The following STXBP4 variants were observed in gnomAD, a reference collection of about 807,000 sequenced individuals.
The protein encoded by STXBP4 is syntaxin-binding protein 4.
Under a neutral mutation model 76.1 loss-of-function variants are expected in STXBP4, and 55 were observed. The observed-to-expected ratio is 0.72, with a 90% confidence interval of 0.58 to 0.91. The LOEUF is 0.91. Ranked by LOEUF, STXBP4 falls within the 40% of genes least tolerant of loss-of-function variation. The pLI is 0.00. For synonymous variants in STXBP4, 201 were observed against 220.2 expected (o/e 0.91, Z 0.77); for missense variants, 618 against 636.9 (o/e 0.97, Z 0.32).
At chr17:55,007,081 T>C (rs2078022632) in intron 7 of STXBP4, among the ~76,000 whole-genome samples, 2 of 152,152 alleles carry the variant, frequency 1.3e-5, no homozygotes, top group African/African-American at 4.8e-5. Context: ...CTCACTCCTG[T>C]AATCCTGGCA....
intron 16 of STXBP4, among the ~76,000 whole-genome samples, chr17:55,110,504 G>A (rs1287398194): frequency 6.6e-6 from 1 of 152,150 alleles, no homozygotes; most frequent in East Asian, 1.9e-4. Context: ...CAGATGGAAG[G>A]GATAATGTAA....
At chr17:55,056,356 A>G (rs2078923069) in intron 12 of STXBP4, among the ~76,000 whole-genome samples, 1 of 152,132 alleles carries the variant, frequency 6.6e-6, no homozygotes, top group South Asian at 2.1e-4. Context: ...TTTTCATTGG[A>G]AATACTGGAT....
intron 17 of STXBP4, 114 bp downstream of exon 17, chr17:55,141,481 G>A: frequency 1.2e-6 from 1 of 802,152 alleles, no homozygotes. Context: ...ACAAAAATTA[G>A]TAACAAGAAA....
intron 16 of STXBP4, among the ~76,000 whole-genome samples, chr17:55,126,049 G>A (rs2145106127): frequency 6.6e-6 from 1 of 152,278 alleles, no homozygotes; most frequent in South Asian, 2.1e-4. Flanking sequence ...TTTAGCTGCT[G>A]CCTAAGAAAT....
At chr17:55,115,150 T>G (rs1327595186) in intron 16 of STXBP4, among the ~76,000 whole-genome samples, 2 of 151,866 alleles carry the variant, frequency 1.3e-5, no homozygotes, top group East Asian at 3.8e-4. Context: ...GCTATTGTTT[T>G]ATTGCTTGAG....
At chr17:54,981,865 C>T (rs2077555307) in intron 1 of STXBP4, among the ~76,000 whole-genome samples, 1 of 151,808 alleles carries the variant, frequency 6.6e-6, no homozygotes, top group East Asian at 1.9e-4. Context: ...GAAGAATTGG[C>T]AAAAGATGTA....
At chr17:55,078,558 C>T in intron 14 of STXBP4, 128 bp from the exon 15 acceptor site, 2 of 606,982 alleles carry the variant, frequency 3.3e-6, no homozygotes, top group African/African-American at 1.9e-5. Flanking sequence ...TTGTTTGCAC[C>T]CCCGCTACAT....
chr17:55,192,538 A>G, the STXBP4 span, among the ~76,000 whole-genome samples: 1 of 152,198 alleles, frequency 6.6e-6, no homozygotes, highest in African/African-American at 2.4e-5. Flanking sequence ...GAGGAAAGAG[A>G]CCAGGACTCC....
At chr17:55,097,442 T>G (rs2079502558) in intron 16 of STXBP4, among the ~76,000 whole-genome samples, 2 of 152,272 alleles carry the variant, frequency 1.3e-5, no homozygotes, top group Admixed American at 1.3e-4. Context: ...GGCGGGCGGA[T>G]CACGAGGTCA....
intron 13 of STXBP4, among the ~76,000 whole-genome samples, chr17:55,075,196 T>G (rs932775282): frequency 6.6e-6 from 1 of 152,120 alleles, no homozygotes; most frequent in Non-Finnish European, 1.5e-5. Flanking sequence ...CTTAACCATT[T>G]TCTTGAAAAC....
At chr17:55,012,364 C>T (rs1348687010) in intron 8 of STXBP4, among the ~76,000 whole-genome samples, 2 of 152,164 alleles carry the variant, frequency 1.3e-5, no homozygotes, top group African/African-American at 4.8e-5. Flanking sequence ...AGGGTTCCTT[C>T]TATAAGCATT....
chr17:54,981,095 T>G (rs2077545294), intron 1 of STXBP4, among the ~76,000 whole-genome samples: 1 of 152,118 alleles, frequency 6.6e-6, no homozygotes, highest in Non-Finnish European at 1.5e-5. Context: ...AAAGAAGATT[T>G]GAACAAATAG....
intron 16 of STXBP4, among the ~76,000 whole-genome samples, chr17:55,140,540 G>A (rs1567779470): frequency 6.6e-6 from 1 of 152,070 alleles, no homozygotes; most frequent in Admixed American, 6.6e-5. Context: ...TTCTAGAAAC[G>A]TAACACCCAA....
At chr17:55,193,472 A>G in the STXBP4 span, among the ~76,000 whole-genome samples, 5 of 152,138 alleles carry the variant, frequency 3.3e-5, no homozygotes, top group African/African-American at 1.2e-4. Context: ...AGAAGATCTC[A>G]CCAGGATGTA....
intron 16 of STXBP4, among the ~76,000 whole-genome samples, chr17:55,134,018 AT>A (rs1245502538): frequency 6.6e-6 from 1 of 152,192 alleles, no homozygotes; most frequent in Non-Finnish European, 1.5e-5. Context: ...AAGATAGAAG[AT>A]AATTACAGCT....
intron 12 of STXBP4, among the ~76,000 whole-genome samples, chr17:55,070,984 A>G (rs2079112588): frequency 6.6e-6 from 1 of 152,124 alleles, no homozygotes; most frequent in Non-Finnish European, 1.5e-5. Context: ...AATAAATGCT[A>G]TTGATGAACT....
intron 1 of STXBP4, among the ~76,000 whole-genome samples, chr17:54,971,485 C>T (rs1019099322): frequency 6.6e-6 from 1 of 152,146 alleles, no homozygotes; most frequent in Non-Finnish European, 1.5e-5. Flanking sequence ...ATAAGGACAC[C>T]AATCCCATGA....
chr17:55,198,253 G>A, the STXBP4 span, among the ~76,000 whole-genome samples: 1 of 152,190 alleles, frequency 6.6e-6, no homozygotes, highest in East Asian at 1.9e-4. Flanking sequence ...ACAGAAATGG[G>A]GGACAGGTTT....
chr17:55,169,160 G>A lies in STXBP4; in HGVS notation c.*9249G>A, dbSNP rs1323622269. ...AGTGGCCCAAGGGTGAAAAGTAATA[G>A]GGAAATAGAGAAATAGAACCGATCC... On this transcript the variant is annotated 3_prime_UTR_variant, in exon 18 of 18. Coordinates refer to ENST00000376352, the MANE Select transcript of STXBP4 (RefSeq NM_178509.6). The A allele has an allele frequency of 6.6e-6, 1 of 152,050 alleles. No individual in the cohort carries two copies. Among genetic ancestry groups the A allele is most frequent in the Non-Finnish European group, 1.5e-5 (1 of 68,008 alleles). 9.4% of individuals were successfully genotyped at this position (152,050 alleles called of 1,614,324 possible).
Sources: gnomAD v4.1 joint callset for allele counts (sites outside exome capture counted in the v4.1 genomes callset) on GRCh38, gnomAD v4.1.1 for gene constraint, MANE v1.5 for transcripts, NCBI Gene and HGNC (gene_info 2026-07-23, HGNC 2026-07-21) for gene names.